The following SLC45A3 variants were observed in gnomAD, a reference collection of about 807,000 sequenced individuals.
The protein encoded by SLC45A3 is prostate cancer associated protein 2.
In SLC45A3, 17 loss-of-function variants were observed where a neutral mutation model predicts 35.3. The ratio of observed to expected loss-of-function variants is 0.48; its 90% confidence interval spans 0.33 to 0.72. SLC45A3 has a LOEUF of 0.72. Among genes scored for constraint, SLC45A3 ranks in the 30% least tolerant of loss-of-function variants. The pLI is 0.02. For synonymous variants in SLC45A3, 288 were observed against 334.3 expected, an observed-to-expected ratio of 0.86 and a Z score of 1.51; for missense variants, 597 against 731.7, an observed-to-expected ratio of 0.82 and a Z score of 2.12.
rs1367848845 is a variant in SLC45A3, at chr1:205,663,109, G to A, written c.682C>T (p.Pro228Ser). 1 of 1,580,320 alleles carries A rather than the reference G, an allele frequency of 6.3e-7. No individual in the cohort carries two copies. ...GAGGGGGCCGACAGCCCTTCTGCTGGCTCGGTGGGGCCCAGCGCTGCCTCC... is the reference window on the plus strand; with the variant it reads ...GAGGGGGCCGACAGCCCTTCTGCTGACTCGGTGGGGCCCAGCGCTGCCTCC... ...AEEAALGPTE[P>S]AEGLSAPSLS... Residue 228 changes from proline (P) to serine (S), a missense_variant, in exon 3 of 5, where the codon CCA (proline) becomes TCA (serine). By Grantham distance (74) the Pro-to-Ser change is moderately conservative. Coordinates refer to ENST00000367145, the MANE Select transcript of SLC45A3 (RefSeq NM_033102.3).
At chr1:205,679,237 G>A (rs933948139) in intron 1 of SLC45A3, among the ~76,000 whole-genome samples, 2 of 152,024 alleles carry the variant, frequency 1.3e-5, no homozygotes, top group Admixed American at 1.3e-4. Flanking sequence ...CAGCTGAAGG[G>A]CGAGTCCTCA....
At chr1:205,678,197 A>G (rs1671342260) in intron 1 of SLC45A3, among the ~76,000 whole-genome samples, 2 of 152,122 alleles carry the variant, frequency 1.3e-5, no homozygotes, top group African/African-American at 4.8e-5. Flanking sequence ...GGTGCCTGTA[A>G]TCCCAGCTAC....
chr1:205,664,729 G>T lies in SLC45A3; in HGVS notation c.-73C>A. 1.3e-6 allele frequency: 2 copies of T among 1,556,648 alleles called. No homozygotes were observed. The highest frequency in any genetic ancestry group is 3.9e-5 in the Admixed American group (2 of 51,280). ...ACTGCTTCGTCTCGGCTCTGCTCCA[G>T]AAGCTGCGGCCTCTCCTCCTTGCTG... On this transcript the variant is annotated 5_prime_UTR_variant, in exon 2 of 5. In the 5' UTR this introduces an upstream ATG that the reference lacks. Transcript: ENST00000367145. The surrounding 1 kb of genome is among the most constrained non-coding windows in gnomAD (Gnocchi z 5.3).
rs944852485 is a variant in SLC45A3 at position 205,670,277 on chromosome 1, G to A, written c.-230-5391C>T. Among the ~76,000 whole-genome samples, 5 of 152,314 alleles carry A rather than the reference G, an allele frequency of 3.3e-5. No individual in the cohort carries two copies. In the East Asian group the frequency reaches 9.7e-4, roughly 29 times the overall value. On this transcript the variant is annotated intron_variant, in intron 1 of 4. Coordinates refer to ENST00000367145, the MANE Select transcript of SLC45A3 (RefSeq NM_033102.3). ...TTGGGCTGCTGGGGAGATGGTGGGA[G>A]GGACACGGCATTAGACAACCACGGC...
intron 1 of SLC45A3, among the ~76,000 whole-genome samples, chr1:205,679,396 G>C (rs1671363038): frequency 6.6e-6 from 1 of 152,136 alleles, no homozygotes; most frequent in South Asian, 2.1e-4. Flanking sequence ...CAGAGGTCAA[G>C]GGCAAGAGCA....
rs765973160 is a variant in SLC45A3, at chr1:205,663,473, G to A, written c.318C>T (p.Ala106=). Residue 106 remains alanine, a synonymous_variant, in exon 3 of 5, where the codon GCC becomes GCT. Coordinates refer to ENST00000367145, the MANE Select transcript of SLC45A3 (RefSeq NM_033102.3). ...ILLSLFLIPR[A]GWLAGLLCPD... ...GGCACAGCAGCCCTGCTAGCCAGCC[G>A]GCCCTTGGGATGAGAAAGAGGCTCA... is the stretch of plus-strand genomic sequence containing the variant. 46 of 1,613,030 alleles carry A rather than the reference G, an allele frequency of 2.9e-5. No homozygotes were observed. The highest frequency in any genetic ancestry group is 1.7e-4 in the Middle Eastern group (1 of 6,056).
At chr1:205,660,858 G>A (rs918625429) in intron 4 of SLC45A3, among the ~76,000 whole-genome samples, 2 of 152,088 alleles carry the variant, frequency 1.3e-5, no homozygotes, top group African/African-American at 4.8e-5. Context: ...GGGTCTCAGG[G>A]ACCAGGCTCC....
chr1:205,664,811 G>T lies in SLC45A3; in HGVS notation c.-155C>A, dbSNP rs533888664. 1 of 1,435,072 alleles carries T rather than the reference G, an allele frequency of 7.0e-7. No individual in the cohort carries two copies. The highest frequency in any genetic ancestry group is 1.4e-5 in the African/African-American group (1 of 69,912). 88.9% of individuals were successfully genotyped at this position (1,435,072 alleles called of 1,614,324 possible). On this transcript the variant is annotated 5_prime_UTR_variant, in exon 2 of 5. Coordinates refer to ENST00000367145, the MANE Select transcript of SLC45A3 (RefSeq NM_033102.3). The surrounding 1 kb of genome is among the most constrained non-coding windows in gnomAD (Gnocchi z 5.3). ...CATTTCTGCCAGCCCTTTGGTGCCGGTCCAGCTTCTCAGCCCATGCTCAAC... is the reference window on the plus strand; with the variant it reads ...CATTTCTGCCAGCCCTTTGGTGCCGTTCCAGCTTCTCAGCCCATGCTCAAC...
rs745477887 is a variant in SLC45A3, at chr1:205,659,469, T to C, written c.1427A>G (p.Glu476Gly). The change falls in exon 5 of 5, where the codon GAG becomes GGG. Residue 476 changes from glutamate (E) to glycine (G), a missense_variant. Glu to Gly is a moderately conservative substitution (Grantham distance 98). Around this residue, in one of 3 missense-constraint regions of SLC45A3, gnomAD observed 555 missense variants for 664.9 expected, o/e 0.83. Transcript: ENST00000367145. The surrounding 1 kb of genome is among the most constrained non-coding windows in gnomAD (Gnocchi z 5.8). ...CGGAACCACCCTGGCCTCGGTGGGC[T>C]CACCCACCACCACACGTACGGAGAC... is the stretch of plus-strand genomic sequence containing the variant. Reference protein sequence around the residue: ...CDVSVRVVVGEPTEARVVPGR... With the variant: ...CDVSVRVVVGGPTEARVVPGR... 7.4e-6 allele frequency: 12 copies of C among 1,613,744 alleles called. No individual in the cohort carries two copies. The highest frequency in any genetic ancestry group is 1.0e-5 in the Non-Finnish European group (12 of 1,179,894).
Position 205,663,419 on chromosome 1 carries a change from C to T in SLC45A3, c.372G>A (p.Leu124=). Residue 124 remains leucine (L), a synonymous_variant, in exon 3 of 5, where the codon CTG becomes CTA. Transcript: ENST00000367145. ...CCAGCAGCCCCACGCCCAGGATGAG[C>T]AGTGCCAGCTCCAGGGGCCTGGGAT... The part of the protein sequence containing the change: ...CPDPRPLELA[L]LILGVGLLDF... 6.2e-7 allele frequency: 1 copy of T among 1,613,044 alleles called. No homozygotes were observed. Among genetic ancestry groups the T allele is most frequent in the Non-Finnish European group, 8.5e-7 (1 of 1,179,850 alleles).
At chr1:205,677,625 A>G (rs1180124304) in intron 1 of SLC45A3, among the ~76,000 whole-genome samples, 1 of 152,238 alleles carries the variant, frequency 6.6e-6, no homozygotes, top group Admixed American at 6.5e-5. Flanking sequence ...CCCAAAGTCC[A>G]GGAGACCTTG....
In SLC45A3 at chr1:205,659,522, G is replaced by A. The variant is rs758633571; in HGVS notation, c.1374C>T (p.Pro458=). The change falls in exon 5 of 5, where the codon CCC becomes CCT. Residue 458 remains proline, a synonymous_variant. Transcript: ENST00000367145. The surrounding 1 kb of genome is among the most constrained non-coding windows in gnomAD (Gnocchi z 5.8). Reference sequence around the variant, plus strand: ...CACAGGCAGAGGCCCCGCAGAGCGCGGGTGGAGGTGGGAGCAGGCCACTGC... The same window carrying A: ...CACAGGCAGAGGCCCCGCAGAGCGCAGGTGGAGGTGGGAGCAGGCCACTGC... The part of the protein sequence containing the change: ...AGGSGLLPPP[P]ALCGASACDV... 78 of 1,610,538 alleles carry A rather than the reference G, an allele frequency of 4.8e-5. No homozygotes were observed. Among genetic ancestry groups the A allele is most frequent in the Middle Eastern group, 3.3e-4 (2 of 6,070 alleles).
At chr1:205,670,155 A>G (rs1671186377) in intron 1 of SLC45A3, among the ~76,000 whole-genome samples, 1 of 152,366 alleles carries the variant, frequency 6.6e-6, no homozygotes, top group East Asian at 1.9e-4. Context: ...CACCCCAGAA[A>G]GAGCCTGCAC....
In SLC45A3 at chr1:205,674,887, T is replaced by C. The variant is rs112261565; in HGVS notation, c.-231+5507A>G. Among the ~76,000 whole-genome samples the C allele has an allele frequency of 5.5e-3, 839 of 152,162 alleles. 5 individuals carry two copies. The highest frequency in any genetic ancestry group is 0.019 in the African/African-American group (781 of 41,540). ...TGTGTCACCACGCCAGGCTAATTTT[T>C]GTATTTTTAGTAGAGGTGGGGTTTC... is the stretch of plus-strand genomic sequence containing the variant. On this transcript the variant is annotated intron_variant, in intron 1 of 4. Transcript: ENST00000367145.
In SLC45A3 at chr1:205,669,094, G is replaced by A. The variant is rs12409639; in HGVS notation, c.-230-4208C>T. 0.089 allele frequency among the ~76,000 whole-genome samples: 13,524 copies of A among 152,182 alleles called. 725 individuals are homozygous for A. The highest frequency in any genetic ancestry group is 0.14 in the East Asian group (729 of 5,160). On this transcript the variant is annotated intron_variant, in intron 1 of 4. Transcript: ENST00000367145. This position sits in a 1 kb window ranked among gnomAD's most constrained non-coding sequence, Gnocchi z 4.1. ...GAATGAATGGCTAAGAGCAAGGGGT[G>A]GCAGTAGAAGCAAGGGTGAGGGCTT...
At chr1:205,660,675 CTG>C (rs1376190666) in intron 4 of SLC45A3, among the ~76,000 whole-genome samples, 1 of 152,186 alleles carries the variant, frequency 6.6e-6, no homozygotes, top group African/African-American at 2.4e-5. Flanking sequence ...AGGTTGGAGT[CTG>C]GAGTGGTCCG....
At position 205,664,681 on chromosome 1, in the gene SLC45A3, G is replaced by T. The variant is rs1671089707; in HGVS notation, c.-25C>A. On this transcript the variant is annotated 5_prime_UTR_variant, in exon 2 of 5. It adds an upstream start codon to the 5' untranslated region. Transcript: ENST00000367145. This position sits in a 1 kb window ranked among gnomAD's most constrained non-coding sequence, Gnocchi z 5.3. ...TAGTGGGCCAGGCGGGTAGGGCTCA[G>T]GGGGCCGTTCAGGCACTCCAGAACT... 1 of 1,612,042 alleles carries T rather than the reference G, an allele frequency of 6.2e-7. No homozygotes were observed. The highest frequency in any genetic ancestry group is 1.3e-5 in the African/African-American group (1 of 74,864).
At chr1:205,671,300 A>C (rs933356335) in intron 1 of SLC45A3, among the ~76,000 whole-genome samples, 1 of 152,352 alleles carries the variant, frequency 6.6e-6, no homozygotes, top group South Asian at 2.1e-4. Context: ...AATCACACTT[A>C]GTTTCTGAGA....
At chr1:205,670,406 T>C (rs2102407570) in intron 1 of SLC45A3, among the ~76,000 whole-genome samples, 1 of 152,070 alleles carries the variant, frequency 6.6e-6, no homozygotes, top group Middle Eastern at 3.4e-3. Context: ...AAAAAAACAG[T>C]GATTTGCAGA....
Sources: gnomAD v4.1 joint callset for allele counts (sites outside exome capture counted in the v4.1 genomes callset) on GRCh38, gnomAD v4.1.1 for gene constraint, gnomAD v4.1.1 regional missense constraint, Gnocchi (gnomAD v3.1) non-coding constraint, MANE v1.5 for transcripts, NCBI Gene and HGNC (gene_info 2026-07-23, HGNC 2026-07-21) for gene names.